Variants in ATE1 observed in about 807,000 individuals in gnomAD.
The protein encoded by ATE1 is arginyltransferase 1, also known as arginyl-tRNA--protein transferase 1.
A neutral mutation model predicts 70.5 loss-of-function variants in ATE1; 36 were observed. That is an observed-to-expected ratio of 0.51 (90% CI 0.39 to 0.67). The LOEUF is 0.67. ATE1 is among the 30% of genes least tolerant of loss of function. The probability of loss-of-function intolerance (pLI) is 0.00; values close to 1 mark genes in which losing one functional copy is unlikely to be tolerated. For missense variants in ATE1, 593 were observed against 629.5 expected (o/e 0.94, Z 0.62); for synonymous variants, 232 against 219.3 (o/e 1.06, Z -0.51).
intron 9 of ATE1, among the ~76,000 whole-genome samples, chr10:121,838,848 A>G (rs1324461980): frequency 6.6e-6 from 1 of 152,182 alleles, no homozygotes; most frequent in Non-Finnish European, 1.5e-5. Context: ...TGATTACAAA[A>G]ATGAATTAAA....
chr10:121,806,178 C>T (rs552035812), intron 10 of ATE1, among the ~76,000 whole-genome samples: 1 of 152,290 alleles, frequency 6.6e-6, no homozygotes, highest in South Asian at 2.1e-4. Context: ...AGGTTGGACG[C>T]AGTGGCTTAT....
intron 7 of ATE1, among the ~76,000 whole-genome samples, chr10:121,881,669 TAAA>T (rs11309013): frequency 1.2e-4 from 15 of 125,588 alleles, no homozygotes; most frequent in Admixed American, 4.1e-4. Flanking sequence ...TCCTGTCTCT[TAAA>T]AAAAAAAAAA....
intron 8 of ATE1, chr10:121,846,594 G>A (rs1023033328): frequency 2.0e-5 from 3 of 152,192 alleles, no homozygotes; most frequent in African/African-American, 7.2e-5. Context: ...TTAAAATGCT[G>A]TTTGGGGCTG....
intron 7 of ATE1, among the ~76,000 whole-genome samples, chr10:121,879,188 C>T (rs1950153086): frequency 6.6e-6 from 1 of 152,140 alleles, no homozygotes; most frequent in African/African-American, 2.4e-5. Context: ...TGTGTTCCGG[C>T]CTCATCAGTG....
chr10:121,755,212 A>T (rs1757087733), intron 11 of ATE1, among the ~76,000 whole-genome samples: 2 of 152,234 alleles, frequency 1.3e-5, no homozygotes, highest in South Asian at 4.1e-4. Flanking sequence ...TAACACTTGT[A>T]CAGGGTGTGT....
rs534679838 is a variant in ATE1 at position 121,867,677 on chromosome 10, A to T, written c.975+2329T>A. 4.3e-4 allele frequency among the ~76,000 whole-genome samples: 66 copies of T among 152,212 alleles called. 1 individual carries two copies. The South Asian group carries it at 0.013, about 31-fold the overall frequency. On this transcript the variant is annotated intron_variant, in intron 8 of 11. Coordinates refer to ENST00000224652, the MANE Select transcript of ATE1 (RefSeq NM_001001976.3). Reference sequence around the variant, plus strand: ...AAAACAACACTTTGTAGTTGTTAACATTTTGTGCATCTCCTTTCTACTTTT... The same window carrying T: ...AAAACAACACTTTGTAGTTGTTAACTTTTTGTGCATCTCCTTTCTACTTTT...
intron 5 of ATE1, among the ~76,000 whole-genome samples, chr10:121,906,677 C>T (rs74347851): frequency 0.13 from 20,075 of 152,008 alleles, 1,526 homozygotes; most frequent in East Asian, 0.18. Flanking sequence ...CAGCTCACTG[C>T]AACCTCTGCC....
intron 9 of ATE1, 35 bp downstream of exon 9, chr10:121,841,047 T>C (rs1948610476): frequency 2.8e-6 from 4 of 1,441,102 alleles, no homozygotes; most frequent in Non-Finnish European, 3.7e-6. Flanking sequence ...AAGTTCTATA[T>C]AACCCACTAC....
intron 7 of ATE1, among the ~76,000 whole-genome samples, chr10:121,883,431 C>A (rs1950285645): frequency 6.6e-6 from 1 of 152,048 alleles, no homozygotes. Context: ...TAATACTAGA[C>A]AAACTAACAC....
intron 10 of ATE1, among the ~76,000 whole-genome samples, chr10:121,798,017 G>A (rs1463977778): frequency 2.6e-5 from 4 of 152,214 alleles, no homozygotes; most frequent in African/African-American, 9.6e-5. Context: ...ACTACTGGGT[G>A]AATGAACAAC....
intron 11 of ATE1, among the ~76,000 whole-genome samples, chr10:121,788,884 C>T (rs1276080581): frequency 6.6e-6 from 1 of 152,210 alleles, no homozygotes; most frequent in African/African-American, 2.4e-5. Context: ...GCACCTGTGC[C>T]TGTCTTACAA....
intron 8 of ATE1, among the ~76,000 whole-genome samples, chr10:121,855,880 G>C (rs1173462968): frequency 6.6e-6 from 1 of 151,784 alleles, no homozygotes; most frequent in East Asian, 1.9e-4. Context: ...TTCAAGACCA[G>C]CCTGGCCAAC....
rs531713295 is a variant in ATE1 at position 121,784,006 on chromosome 10, C to T, written c.1378+6163G>A. On this transcript the variant is annotated intron_variant, in intron 11 of 11. Transcript: ENST00000224652. ...GCTCAAGCAATTCTCCCACCCTGGC[C>T]TCCGGCCTCCCAAAGTGCTGGGATC... Among the ~76,000 whole-genome samples, 14 of 152,316 alleles carry T rather than the reference C, an allele frequency of 9.2e-5. No individual in the cohort carries two copies. The South Asian group carries it at 2.9e-3, about 32-fold the overall frequency.
chr10:121,777,995 T>C (rs939649532), intron 11 of ATE1, among the ~76,000 whole-genome samples: 4 of 152,250 alleles, frequency 2.6e-5, no homozygotes, highest in African/African-American at 9.6e-5. Context: ...ATAAGATCTG[T>C]AATTTGCATT....
intron 10 of ATE1, 145 bp downstream of exon 10, chr10:121,836,573 C>T: frequency 1.8e-6 from 1 of 543,144 alleles, no homozygotes; most frequent in Admixed American, 3.8e-5. Context: ...TTACAGAGAG[C>T]TTAATTTCTG....
At chr10:121,921,875 T>G (rs183553975) in intron 3 of ATE1, among the ~76,000 whole-genome samples, 1 of 152,316 alleles carries the variant, frequency 6.6e-6, no homozygotes, top group Non-Finnish European at 1.5e-5. Context: ...GTTTCTCCTG[T>G]TTTAACCCGA....
chr10:121,812,012 TGG>T (rs1947341383), intron 10 of ATE1, among the ~76,000 whole-genome samples: 2 of 143,180 alleles, frequency 1.4e-5, no homozygotes, highest in Admixed American at 7.4e-5. Context: ...AGACTGATAG[TGG>T]GCACTATCTC....
chr10:121,922,067 T>G (rs1033234720), intron 3 of ATE1, among the ~76,000 whole-genome samples: 6 of 152,204 alleles, frequency 3.9e-5, no homozygotes, highest in Non-Finnish European at 7.3e-5. Flanking sequence ...TTTACCAACA[T>G]TTTCCCAATA....
At chr10:121,891,664 ATATT>A (rs1204329306) in intron 7 of ATE1, among the ~76,000 whole-genome samples, 3 of 152,182 alleles carry the variant, frequency 2.0e-5, no homozygotes, top group Non-Finnish European at 4.4e-5. Context: ...CAGGCAATCT[ATATT>A]TATCTTTGCA....
Sources: gnomAD v4.1 joint callset for allele counts (sites outside exome capture counted in the v4.1 genomes callset) on GRCh38, gnomAD v4.1.1 for gene constraint, MANE v1.5 for transcripts, NCBI Gene and HGNC (gene_info 2026-07-23, HGNC 2026-07-21) for gene names.